IKBKB-DT: variants seen among roughly 807,000 people sequenced by gnomAD.
IKBKB-DT encodes IKBKB divergent transcript, also known as IKBKB antisense RNA.
exon 4 of IKBKB-DT, chr8:42,233,775 T>A (rs971945257): frequency 1.3e-5 from 2 of 152,172 alleles, no homozygotes; most frequent in Non-Finnish European, 2.9e-5. Flanking sequence ...GGGAAGCCAG[T>A]GAGCTAGAAG....
chr8:42,257,214 A>G (rs981794858), intron 3 of IKBKB-DT, among the ~76,000 whole-genome samples: 8 of 152,102 alleles, frequency 5.3e-5, no homozygotes, highest in Admixed American at 1.3e-4. Context: ...TTATAAGAAG[A>G]AAGACAAGGC....
At chr8:42,242,826 C>T (rs1295589550) in intron 3 of IKBKB-DT, among the ~76,000 whole-genome samples, 1 of 152,218 alleles carries the variant, frequency 6.6e-6, no homozygotes, top group East Asian at 1.9e-4. Flanking sequence ...TGGCCATACC[C>T]AGTGCGATTT....
At chr8:42,239,081 G>A (rs1195287422) in intron 3 of IKBKB-DT, among the ~76,000 whole-genome samples, 1 of 152,120 alleles carries the variant, frequency 6.6e-6, no homozygotes, top group African/African-American at 2.4e-5. Flanking sequence ...GCTGTGATGA[G>A]GTAGCTCCTC....
chr8:42,236,042 CA>C (rs1265761123), intron 3 of IKBKB-DT, among the ~76,000 whole-genome samples: 1 of 151,624 alleles, frequency 6.6e-6, no homozygotes, highest in African/African-American at 2.4e-5. Flanking sequence ...ACAACAACAA[CA>C]AAAAACAAAA....
At chr8:42,248,532 C>G (rs1057082314) in intron 3 of IKBKB-DT, among the ~76,000 whole-genome samples, 10 of 152,172 alleles carry the variant, frequency 6.6e-5, no homozygotes, top group Non-Finnish European at 1.5e-4. Context: ...TTGATTTTCA[C>G]AAACATTTTC....
At chr8:42,239,103 G>A (rs1376826907) in intron 3 of IKBKB-DT, among the ~76,000 whole-genome samples, 6 of 152,144 alleles carry the variant, frequency 3.9e-5, no homozygotes, top group African/African-American at 9.7e-5. Context: ...TCCCCTGTCA[G>A]AGTGGTATCA....
At chr8:42,254,179 T>A (rs895783341) in intron 3 of IKBKB-DT, among the ~76,000 whole-genome samples, 2 of 152,226 alleles carry the variant, frequency 1.3e-5, no homozygotes, top group African/African-American at 4.8e-5. Flanking sequence ...GGGAGGAAAG[T>A]CTTTGAAGAG....
chr8:42,268,645 C>T (rs1400464160), intron 1 of IKBKB-DT, among the ~76,000 whole-genome samples: 1 of 151,670 alleles, frequency 6.6e-6, no homozygotes, highest in Admixed American at 6.6e-5. Context: ...CCACTCACTG[C>T]AACCTCCAGC....
chr8:42,268,112 C>A (rs1280479090), intron 1 of IKBKB-DT, among the ~76,000 whole-genome samples: 1 of 149,562 alleles, frequency 6.7e-6, no homozygotes, highest in Non-Finnish European at 1.5e-5. Context: ...GTGCCCAGCA[C>A]ATATAGGTGC....
chr8:42,235,151 T>TTTTTC (rs200801413), intron 3 of IKBKB-DT, among the ~76,000 whole-genome samples: 3 of 136,560 alleles, frequency 2.2e-5, no homozygotes, highest in African/African-American at 9.1e-5. Context: ...TTTTTTCTTT[T>TTTTTC]TTTTTTCTAA....
intron 3 of IKBKB-DT, among the ~76,000 whole-genome samples, chr8:42,238,893 C>T (rs1005985219): frequency 6.6e-6 from 1 of 152,162 alleles, no homozygotes; most frequent in Non-Finnish European, 1.5e-5. Context: ...TCCCTAGCCT[C>T]TGAATTCTTC....
intron 3 of IKBKB-DT, among the ~76,000 whole-genome samples, chr8:42,257,618 T>C (rs1462822713): frequency 6.6e-6 from 1 of 151,940 alleles, no homozygotes; most frequent in Non-Finnish European, 1.5e-5. Context: ...ATGTAGAGTT[T>C]GATTTTTCAA....
intron 3 of IKBKB-DT, among the ~76,000 whole-genome samples, chr8:42,248,836 C>G (rs556649828): frequency 2.0e-4 from 30 of 150,942 alleles, no homozygotes; most frequent in African/African-American, 6.8e-4. Flanking sequence ...GAGATCGTGC[C>G]CCTGTACTCC....
intron 3 of IKBKB-DT, among the ~76,000 whole-genome samples, chr8:42,260,764 T>A (rs1342264598): frequency 6.6e-6 from 1 of 152,082 alleles, no homozygotes; most frequent in Non-Finnish European, 1.5e-5. Flanking sequence ...ATTGAACTCC[T>A]ATTTGAATAG....
chr8:42,268,750 A>G (rs1287595526), intron 1 of IKBKB-DT, among the ~76,000 whole-genome samples: 4 of 150,886 alleles, frequency 2.7e-5, no homozygotes, highest in African/African-American at 9.8e-5. Context: ...TATTTTTCGT[A>G]GAGACGTGGT....
At chr8:42,262,488 G>A (rs1807303727) in intron 3 of IKBKB-DT, among the ~76,000 whole-genome samples, 1 of 150,354 alleles carries the variant, frequency 6.7e-6, no homozygotes, top group African/African-American at 2.5e-5. Context: ...GGCCCAGGCT[G>A]GAGTACAACG....
chr8:42,262,459 A>ATTTATTTAT lies in IKBKB-DT; in HGVS notation n.1529+869_1529+870insATAAATAAA, dbSNP rs534661232. ...ATTTATTTATTTATTTATTTATTTAAGACAGAGTCTCACTCTGTGGCCCAG... is the reference window on the plus strand; with the variant it reads ...ATTTATTTATTTATTTATTTATTTAATTTATTTATGACAGAGTCTCACTCTGTGGCCCAG... On this transcript the variant is annotated intron_variant and non_coding_transcript_variant, in intron 3 of 3. Coordinates refer to ENST00000518213, the Ensembl canonical transcript of IKBKB-DT. 9.9e-3 allele frequency among the ~76,000 whole-genome samples: 1,231 copies of ATTTATTTAT among 124,078 alleles called. 23 individuals carry two copies. The highest frequency in any genetic ancestry group is 0.051 in the African/African-American group (1,193 of 23,524). 81.4% of individuals were successfully genotyped at this position (124,078 alleles called of 152,430 possible). A position where few individuals can be genotyped will look rare whatever the true frequency, so the allele number is the denominator to read the frequency against.
intron 3 of IKBKB-DT, among the ~76,000 whole-genome samples, chr8:42,245,230 G>A (rs1006473678): frequency 6.6e-6 from 1 of 152,116 alleles, no homozygotes; most frequent in Non-Finnish European, 1.5e-5. Flanking sequence ...ACTCCAACCT[G>A]GCGACAGAGC....
intron 3 of IKBKB-DT, among the ~76,000 whole-genome samples, chr8:42,244,903 A>T (rs1414449523): frequency 6.6e-6 from 1 of 152,216 alleles, no homozygotes; most frequent in African/African-American, 2.4e-5. Flanking sequence ...GTCTGAGAGC[A>T]TGTAGTTGCC....
Sources: allele counts gnomAD v4.1 joint callset (sites outside exome capture counted in the v4.1 genomes callset), GRCh38; gene constraint gnomAD v4.1.1; transcripts MANE v1.5; gene names NCBI Gene and HGNC (gene_info 2026-07-23, HGNC 2026-07-21).